CYP7B1: variants seen among roughly 807,000 people sequenced by gnomAD.
CYP7B1 encodes cytochrome P450 7B1.
CYP7B1 carries 29 observed loss-of-function variants against 42.7 expected under a neutral mutation model. The ratio of observed to expected loss-of-function variants is 0.68; its 90% CI spans 0.51 to 0.93. The LOEUF (loss-of-function observed/expected upper bound fraction) is 0.93, where lower values mean the gene tolerates loss of function less well. Ranked by LOEUF, CYP7B1 falls within the 40% of genes least tolerant of loss-of-function variation. The pLI is 0.00. For synonymous variants in CYP7B1, 235 were observed against 218.2 expected, an observed-to-expected ratio of 1.08 and a Z score of -0.68; for missense variants, 655 against 600.5, an observed-to-expected ratio of 1.09 and a Z score of -0.95.
chr8:64,743,919 A>T (rs987325822), intron 1 of CYP7B1, among the ~76,000 whole-genome samples: 2 of 152,194 alleles, frequency 1.3e-5, no homozygotes, highest in Non-Finnish European at 2.9e-5. Flanking sequence ...AATAATAAAT[A>T]AAGTGTTATG....
At chr8:64,654,085 G>C (rs969009013) in intron 1 of CYP7B1, among the ~76,000 whole-genome samples, 1 of 152,126 alleles carries the variant, frequency 6.6e-6, no homozygotes, top group African/African-American at 2.4e-5. Context: ...GCAAAAGCTG[G>C]AACCATTCCC....
At position 64,616,293 on chromosome 8, in the gene CYP7B1, A is replaced by AG; in HGVS notation, c.260-13_260-12insC. The AG allele has an allele frequency of 6.7e-7, 1 of 1,498,580 alleles. No individual in the cohort carries two copies. The allele number at this position is 1,498,580 out of a possible 1,614,324, so 92.8% of individuals were successfully genotyped here. ...TGTTATGTACTTTCCTAGAAAAAAA[A>AG]AAAGAGAGAGAAAATATGAGTTCGT... On this transcript the variant is annotated splice_polypyrimidine_tract_variant and intron_variant, in intron 2 of 5. Transcript: ENST00000310193.
intron 1 of CYP7B1, among the ~76,000 whole-genome samples, chr8:64,673,499 T>C (rs916283603): frequency 1.3e-5 from 2 of 152,150 alleles, no homozygotes; most frequent in Admixed American, 6.6e-5. Context: ...ATTAACACTA[T>C]AGCCATGTCC....
intron 1 of CYP7B1, among the ~76,000 whole-genome samples, chr8:64,647,385 A>G (rs891846078): frequency 6.6e-6 from 1 of 150,652 alleles, no homozygotes; most frequent in Admixed American, 6.6e-5. Context: ...ATGGTGTTGC[A>G]AAAAAAAATG....
intron 1 of CYP7B1, among the ~76,000 whole-genome samples, chr8:64,726,029 G>A (rs1462606669): frequency 2.6e-5 from 4 of 152,204 alleles, no homozygotes; most frequent in Non-Finnish European, 2.9e-5. Context: ...GTTCTCCTGT[G>A]AGGATCTGAC....
chr8:64,758,412 C>T (rs1013339690), intron 1 of CYP7B1, among the ~76,000 whole-genome samples: 1 of 152,142 alleles, frequency 6.6e-6, no homozygotes, highest in African/African-American at 2.4e-5. Context: ...ATTCAAGTCT[C>T]AAATAGTTAC....
chr8:64,701,666 G>GA (rs1563397343), intron 1 of CYP7B1, among the ~76,000 whole-genome samples: 2 of 151,968 alleles, frequency 1.3e-5, no homozygotes, highest in Non-Finnish European at 2.9e-5. Flanking sequence ...GTTAAGAGAG[G>GA]AAAAAACAGA....
At chr8:64,642,491 G>T (rs1025178359) in intron 1 of CYP7B1, among the ~76,000 whole-genome samples, 2 of 152,094 alleles carry the variant, frequency 1.3e-5, no homozygotes, top group African/African-American at 4.8e-5. Flanking sequence ...CACAGATGAT[G>T]ATTTATTTGG....
intron 1 of CYP7B1, among the ~76,000 whole-genome samples, chr8:64,761,478 G>A (rs1050817641): frequency 6.6e-6 from 1 of 151,896 alleles, no homozygotes; most frequent in Admixed American, 6.6e-5. Context: ...CCAATTATGT[G>A]TCAATAAAGC....
At chr8:64,707,884 G>A (rs1217280736) in intron 1 of CYP7B1, among the ~76,000 whole-genome samples, 1 of 152,088 alleles carries the variant, frequency 6.6e-6, no homozygotes, top group African/African-American at 2.4e-5. Flanking sequence ...TGGAAATAGA[G>A]ATATATACAC....
At chr8:64,795,195 C>G (rs1372565632) in intron 1 of CYP7B1, among the ~76,000 whole-genome samples, 1 of 152,128 alleles carries the variant, frequency 6.6e-6, no homozygotes. Flanking sequence ...ATCTTAAAAT[C>G]ATTATGTTGA....
chr8:64,649,632 CA>C (rs1423425401), intron 1 of CYP7B1, among the ~76,000 whole-genome samples: 2 of 152,188 alleles, frequency 1.3e-5, no homozygotes, highest in African/African-American at 4.8e-5. Context: ...CAGCATCCTC[CA>C]TACTGTTTTC....
chr8:64,754,222 G>A (rs1171264830), intron 1 of CYP7B1, among the ~76,000 whole-genome samples: 2 of 152,220 alleles, frequency 1.3e-5, no homozygotes, highest in East Asian at 1.9e-4. Flanking sequence ...ATGGGAAGTC[G>A]GGAAGAGTCT....
chr8:64,736,558 C>T (rs1409893238), intron 1 of CYP7B1, among the ~76,000 whole-genome samples: 2 of 152,174 alleles, frequency 1.3e-5, no homozygotes, highest in African/African-American at 4.8e-5. Context: ...TCAAGCAATT[C>T]TCCTGCCTTA....
chr8:64,742,906 T>C (rs145107257), intron 1 of CYP7B1, among the ~76,000 whole-genome samples: 2 of 152,234 alleles, frequency 1.3e-5, no homozygotes, highest in Non-Finnish European at 2.9e-5. Flanking sequence ...TATTTGATTG[T>C]TATAAAAAGT....
intron 1 of CYP7B1, among the ~76,000 whole-genome samples, chr8:64,639,574 C>T (rs1805823667): frequency 6.6e-6 from 1 of 151,958 alleles, no homozygotes; most frequent in Admixed American, 6.6e-5. Flanking sequence ...TATACACCCA[C>T]CACAGTGGCT....
intron 1 of CYP7B1, among the ~76,000 whole-genome samples, chr8:64,734,736 A>G (rs1051317118): frequency 6.6e-6 from 1 of 152,204 alleles, no homozygotes; most frequent in Non-Finnish European, 1.5e-5. Flanking sequence ...TGTTCTAAGC[A>G]TCTCTAGACT....
chr8:64,781,154 A>T (rs548789644), intron 1 of CYP7B1, among the ~76,000 whole-genome samples: 2 of 152,138 alleles, frequency 1.3e-5, no homozygotes, highest in Non-Finnish European at 2.9e-5. Flanking sequence ...AAAGGCACTG[A>T]GTATTTATTA....
intron 1 of CYP7B1, among the ~76,000 whole-genome samples, chr8:64,688,156 C>T (rs1433263583): frequency 2.0e-5 from 3 of 152,212 alleles, no homozygotes; most frequent in Non-Finnish European, 4.4e-5. Context: ...CAGATGTCTG[C>T]ACATAAAACC....
Sources: gnomAD v4.1 joint callset for allele counts (sites outside exome capture counted in the v4.1 genomes callset) on GRCh38, gnomAD v4.1.1 for gene constraint, MANE v1.5 for transcripts, NCBI Gene and HGNC (gene_info 2026-07-23, HGNC 2026-07-21) for gene names.